The following ACAP2 variants were observed in gnomAD, a reference collection of about 807,000 sequenced individuals.
The protein encoded by ACAP2 is ArfGAP with coiled-coil, ankyrin repeat and PH domains 2, also known as arf-GAP with coiled-coil, ANK repeat and PH domain-containing protein 2.
ACAP2 carries 39 observed loss-of-function variants against 115.8 expected under a neutral mutation model. The ratio of observed to expected loss-of-function variants is 0.34; its 90% CI spans 0.26 to 0.44. The LOEUF (loss-of-function observed/expected upper bound fraction) is 0.44, where lower values mean the gene tolerates loss of function less well. ACAP2 is among the 20% of genes least tolerant of loss of function. The pLI, the probability that ACAP2 is intolerant of heterozygous loss-of-function variation, is 1.00. For missense variants in ACAP2, 662 were observed against 927.6 expected (o/e 0.71, Z 3.72); for synonymous variants, 289 against 315.8 (o/e 0.92, Z 0.90).
At chr3:195,294,675 C>T (rs750757672) in intron 18 of ACAP2, 44 bp downstream of exon 18, 2 of 1,072,524 alleles carry the variant, frequency 1.9e-6, no homozygotes. Context: ...CATGCACTTT[C>T]CAGCAAACAA....
rs1315706389 is a variant in ACAP2 at position 195,279,058 on chromosome 3, T to TAGAGATG, written c.*263_*269dup. The TAGAGATG allele has an allele frequency of 1.1e-5, 3 of 268,006 alleles. No homozygotes were observed. Among genetic ancestry groups the TAGAGATG allele is most frequent in the African/African-American group, 6.7e-5 (3 of 44,594 alleles). The allele number at this position is 268,006 out of a possible 1,614,324, so 16.6% of individuals were successfully genotyped here. ...TCTAACCTCCTATCATCTTGTAACC[T>TAGAGATG]AGAGATGGCCTAAATCTAGACTGAA... On this transcript the variant is annotated 3_prime_UTR_variant, in exon 23 of 23. Transcript: ENST00000326793.
intron 2 of ACAP2, among the ~76,000 whole-genome samples, chr3:195,389,070 AG>A (rs944845520): frequency 5.8e-4 from 88 of 151,770 alleles, no homozygotes; most frequent in Non-Finnish European, 8.4e-4. Flanking sequence ...AATTTGGAAG[AG>A]GTACGAAATA....
At chr3:195,302,933 T>G (rs145989637) in intron 13 of ACAP2, among the ~76,000 whole-genome samples, 1,904 of 151,962 alleles carry the variant, frequency 0.013, 31 homozygotes, top group African/African-American at 0.041. Context: ...AAAGAATATG[T>G]CTGGGCACAA....
At chr3:195,407,726 A>T (rs368010385) in intron 1 of ACAP2, among the ~76,000 whole-genome samples, 42 of 152,262 alleles carry the variant, frequency 2.8e-4, no homozygotes, top group African/African-American at 9.6e-4. Context: ...GATCTCAGAG[A>T]TCAATAACCT....
At chr3:195,437,340 C>G (rs139692009) in intron 1 of ACAP2, among the ~76,000 whole-genome samples, 3,411 of 152,202 alleles carry the variant, frequency 0.022, 117 homozygotes, top group African/African-American at 0.076. Flanking sequence ...CTGCACCCAG[C>G]CTAACAAATG....
In ACAP2 at chr3:195,355,053, G is replaced by A. The variant is rs575655565; in HGVS notation, c.286-9736C>T. Reference sequence around the variant, plus strand: ...TGATTTTTGTATTTTTACCAGAGACGGGGTTTCGCCATGTTGGACAGCCTG... The same window carrying A: ...TGATTTTTGTATTTTTACCAGAGACAGGGTTTCGCCATGTTGGACAGCCTG... On this transcript the variant is annotated intron_variant, in intron 4 of 22. Coordinates refer to ENST00000326793, the MANE Select transcript of ACAP2 (RefSeq NM_012287.6). Among the ~76,000 whole-genome samples, 23 of 152,162 alleles carry A rather than the reference G, an allele frequency of 1.5e-4. No homozygotes were observed. In the South Asian group the frequency reaches 4.1e-3, roughly 27 times the overall value.
chr3:195,308,857 ATTAAG>A lies in ACAP2; in HGVS notation c.858-25_858-21del, dbSNP rs1728578977. ...CAGCGCCTACAGAAACACAAAATAG[ATTAAG>A]TTTTCATAAACATAATTTATTTCCA... On this transcript the variant is annotated intron_variant, in intron 10 of 22. Transcript: ENST00000326793. 1 of 1,589,724 alleles carries A rather than the reference ATTAAG, an allele frequency of 6.3e-7. No individual in the cohort carries two copies. The highest frequency in any genetic ancestry group is 8.6e-7 in the Non-Finnish European group (1 of 1,169,572).
rs528895496 is a variant in ACAP2, at chr3:195,436,691, T to C, written c.53+6104A>G. 2.6e-5 allele frequency among the ~76,000 whole-genome samples: 4 copies of C among 152,248 alleles called. No homozygotes were observed. The East Asian group carries it at 7.7e-4, about 29-fold the overall frequency. ...ATACATAGAAAGACATATCCTCTTC[T>C]GAAATTGAAGAAAAAAGTACTGTAA... On this transcript the variant is annotated intron_variant, in intron 1 of 22. Coordinates refer to ENST00000326793, the MANE Select transcript of ACAP2 (RefSeq NM_012287.6).
At chr3:195,377,555 C>T (rs945739804) in intron 4 of ACAP2, among the ~76,000 whole-genome samples, 1 of 152,202 alleles carries the variant, frequency 6.6e-6, no homozygotes, top group East Asian at 1.9e-4. Context: ...CCCTAGCCAT[C>T]GTCTAATTAA....
intron 8 of ACAP2, among the ~76,000 whole-genome samples, chr3:195,332,263 A>T (rs978966025): frequency 6.6e-6 from 1 of 152,188 alleles, no homozygotes; most frequent in African/African-American, 2.4e-5. Context: ...ATAACAAGAT[A>T]CAAGTTTTCA....
rs1477182350 is a variant in ACAP2, at chr3:195,336,768, G to A, written c.573+164C>T. 6.3e-6 allele frequency: 4 copies of A among 638,530 alleles called. No homozygotes were observed. In the East Asian group the frequency reaches 8.6e-5, roughly 14 times the overall value. 39.6% of individuals were successfully genotyped at this position (638,530 alleles called of 1,614,324 possible). ...ACACAAACAACTGTAACATGAAGGA[G>A]ACAAAAAGAAGTCCAGTGCCACATA... On this transcript the variant is annotated intron_variant, in intron 7 of 22. Transcript: ENST00000326793.
chr3:195,411,953 A>G (rs1713298428), intron 1 of ACAP2, among the ~76,000 whole-genome samples: 8 of 151,802 alleles, frequency 5.3e-5, no homozygotes, highest in Admixed American at 5.2e-4. Context: ...CTGGATCTTG[A>G]TAATGGTAAA....
chr3:195,290,406 A>T (rs1014488000), intron 20 of ACAP2, among the ~76,000 whole-genome samples: 3 of 152,160 alleles, frequency 2.0e-5, no homozygotes, highest in Non-Finnish European at 4.4e-5. Context: ...AATACAAAGG[A>T]TGAGTTAAGT....
At chr3:195,355,002 T>C (rs1731860846) in intron 4 of ACAP2, among the ~76,000 whole-genome samples, 1 of 152,166 alleles carries the variant, frequency 6.6e-6, no homozygotes, top group Admixed American at 6.5e-5. Context: ...TAGCTGGGAC[T>C]ACAGGCATGT....
At chr3:195,390,140 T>C (rs1307855663) in intron 2 of ACAP2, among the ~76,000 whole-genome samples, 1 of 151,904 alleles carries the variant, frequency 6.6e-6, no homozygotes, top group Non-Finnish European at 1.5e-5. Flanking sequence ...AGGTTGCAAG[T>C]GAGCCGAGAT....
chr3:195,322,840 A>T (rs1420178300), intron 9 of ACAP2, among the ~76,000 whole-genome samples: 2 of 152,218 alleles, frequency 1.3e-5, no homozygotes, highest in Non-Finnish European at 2.9e-5. Flanking sequence ...ATACTTCTTG[A>T]GATAAATTGT....
intron 22 of ACAP2, among the ~76,000 whole-genome samples, chr3:195,280,077 G>T (rs11716889): frequency 0.022 from 3,285 of 151,944 alleles, 128 homozygotes; most frequent in African/African-American, 0.074. Flanking sequence ...GAAGCTGGGT[G>T]GGGGGGTTGG....
chr3:195,305,122 T>C (rs569782102), intron 13 of ACAP2, among the ~76,000 whole-genome samples: 2 of 152,272 alleles, frequency 1.3e-5, no homozygotes, highest in South Asian at 2.1e-4. Flanking sequence ...TCTATATCTG[T>C]AAACATTTAG....
intron 1 of ACAP2, among the ~76,000 whole-genome samples, chr3:195,408,749 C>A (rs1218786268): frequency 2.0e-5 from 3 of 152,044 alleles, no homozygotes; most frequent in Non-Finnish European, 2.9e-5. Flanking sequence ...GGATTATACA[C>A]CATGACCTAG....
Sources: gnomAD v4.1 joint callset for allele counts (sites outside exome capture counted in the v4.1 genomes callset) on GRCh38, gnomAD v4.1.1 for gene constraint, MANE v1.5 for transcripts, NCBI Gene and HGNC (gene_info 2026-07-23, HGNC 2026-07-21) for gene names.